Variants in KCNH5 observed in about 807,000 individuals in gnomAD.
KCNH5 encodes the protein voltage-gated delayed rectifier potassium channel KCNH5.
KCNH5 carries 46 observed loss-of-function variants against 96.1 expected under a neutral mutation model. The observed-to-expected ratio is 0.48, with a 90% CI of 0.38 to 0.61. KCNH5 has a LOEUF of 0.61. Among genes scored for constraint, KCNH5 ranks in the 20% least tolerant of loss-of-function variants. The pLI is 0.00. For synonymous variants in KCNH5, 439 were observed against 449.8 expected (o/e 0.98, Z 0.30); for missense variants, 907 against 1,225.8 (o/e 0.74, Z 3.88).
At chr14:62,904,412 G>A (rs1387360098) in intron 7 of KCNH5, among the ~76,000 whole-genome samples, 1 of 152,176 alleles carries the variant, frequency 6.6e-6, no homozygotes, top group Non-Finnish European at 1.5e-5. Flanking sequence ...TAGAGTGGGT[G>A]TTACATTTGA....
intron 10 of KCNH5, among the ~76,000 whole-genome samples, chr14:62,744,852 T>C (rs551161290): frequency 2.0e-5 from 3 of 152,316 alleles, no homozygotes; most frequent in Admixed American, 1.3e-4. Context: ...CACATGCCTC[T>C]TTCTAAGGGT....
At chr14:62,922,714 A>G (rs552904939) in intron 7 of KCNH5, among the ~76,000 whole-genome samples, 2 of 152,128 alleles carry the variant, frequency 1.3e-5, no homozygotes, top group South Asian at 4.1e-4. Flanking sequence ...TTTCATGACC[A>G]TCTCAGTAGA....
chr14:62,864,275 T>C (rs1242728401), intron 7 of KCNH5, among the ~76,000 whole-genome samples: 1 of 152,214 alleles, frequency 6.6e-6, no homozygotes, highest in African/African-American at 2.4e-5. Flanking sequence ...CTTATATTTT[T>C]CAGAAAAGTA....
At chr14:62,968,404 G>C (rs986962651) in intron 6 of KCNH5, among the ~76,000 whole-genome samples, 3 of 152,158 alleles carry the variant, frequency 2.0e-5, no homozygotes, top group African/African-American at 7.2e-5. Flanking sequence ...ACAATACTTT[G>C]CACTCCCAGT....
At chr14:62,918,395 C>A (rs543935417) in intron 7 of KCNH5, among the ~76,000 whole-genome samples, 2 of 151,846 alleles carry the variant, frequency 1.3e-5, no homozygotes, top group African/African-American at 4.8e-5. Flanking sequence ...TTCTACGTGG[C>A]AAATAATAAA....
chr14:63,017,842 T>C (rs1891354644), intron 1 of KCNH5, among the ~76,000 whole-genome samples: 1 of 151,928 alleles, frequency 6.6e-6, no homozygotes, highest in Non-Finnish European at 1.5e-5. Flanking sequence ...GGTAGTATAC[T>C]AAAAATATAA....
At chr14:63,003,438 CAT>C (rs1436561836) in intron 3 of KCNH5, among the ~76,000 whole-genome samples, 1 of 103,812 alleles carries the variant, frequency 9.6e-6, no homozygotes, top group African/African-American at 3.2e-5. Flanking sequence ...CAGAAAGAGC[CAT>C]ATATATATAT....
intron 6 of KCNH5, among the ~76,000 whole-genome samples, chr14:62,952,178 T>G (rs1209016369): frequency 6.6e-6 from 1 of 152,176 alleles, no homozygotes; most frequent in Admixed American, 6.5e-5. Flanking sequence ...TAGGCCTACC[T>G]CTATTTAAGT....
intron 10 of KCNH5, among the ~76,000 whole-genome samples, chr14:62,742,516 C>G (rs964537794): frequency 6.6e-6 from 1 of 152,176 alleles, no homozygotes; most frequent in African/African-American, 2.4e-5. Context: ...TCTATATACC[C>G]TGTCCCAAAC....
At chr14:63,043,034 G>A (rs149596350) in intron 1 of KCNH5, among the ~76,000 whole-genome samples, 16 of 152,202 alleles carry the variant, frequency 1.1e-4, no homozygotes, top group East Asian at 3.9e-4. Flanking sequence ...CCAATGAAAC[G>A]ATTATGAACA....
At chr14:62,939,587 C>T (rs17100549) in intron 7 of KCNH5, among the ~76,000 whole-genome samples, 7 of 152,146 alleles carry the variant, frequency 4.6e-5, no homozygotes, top group African/African-American at 9.7e-5. Context: ...CTTTTGAACT[C>T]GTCCTTCTAA....
intron 10 of KCNH5, among the ~76,000 whole-genome samples, chr14:62,708,861 T>C (rs1273314374): frequency 1.3e-5 from 2 of 152,212 alleles, no homozygotes; most frequent in African/African-American, 2.4e-5. Context: ...AGGAAATACA[T>C]ATTTATCCCT....
chr14:62,833,909 A>C (rs1347177336), intron 8 of KCNH5, among the ~76,000 whole-genome samples: 1 of 152,114 alleles, frequency 6.6e-6, no homozygotes, highest in South Asian at 2.1e-4. Flanking sequence ...CCTTTGACCA[A>C]GTCCCACTGT....
chr14:63,019,467 T>C (rs1304710244), intron 1 of KCNH5, among the ~76,000 whole-genome samples: 4 of 152,072 alleles, frequency 2.6e-5, no homozygotes, highest in Non-Finnish European at 5.9e-5. Flanking sequence ...GTAATTAAGA[T>C]GGTGTGGAAA....
chr14:62,781,520 C>T (rs1034648436), intron 9 of KCNH5, among the ~76,000 whole-genome samples: 14 of 152,094 alleles, frequency 9.2e-5, no homozygotes, highest in African/African-American at 2.9e-4. Flanking sequence ...CAGTCTCGAC[C>T]GTAAGAGACG....
At chr14:62,741,124 C>G (rs1336638297) in intron 10 of KCNH5, among the ~76,000 whole-genome samples, 2 of 152,118 alleles carry the variant, frequency 1.3e-5, no homozygotes, top group Admixed American at 1.3e-4. Context: ...AAAGAAGACT[C>G]ATAATGGAGT....
At chr14:63,032,892 C>A (rs1891654651) in intron 1 of KCNH5, among the ~76,000 whole-genome samples, 1 of 152,158 alleles carries the variant, frequency 6.6e-6, no homozygotes, top group Admixed American at 6.5e-5. Flanking sequence ...GCGTGGCCTT[C>A]TTCCAGTTTT....
chr14:62,855,107 A>G (rs1366959109), intron 7 of KCNH5, among the ~76,000 whole-genome samples: 1 of 151,912 alleles, frequency 6.6e-6, no homozygotes, highest in South Asian at 2.1e-4. Context: ...TGCTGTGAGG[A>G]AGCCCGAGCA....
intron 1 of KCNH5, among the ~76,000 whole-genome samples, chr14:63,044,285 TA>T (rs1891880606): frequency 1.3e-5 from 2 of 152,222 alleles, no homozygotes; most frequent in Non-Finnish European, 2.9e-5. Flanking sequence ...TGTGGAAATA[TA>T]TAACCATTCC....
Sources: allele counts gnomAD v4.1 joint callset (sites outside exome capture counted in the v4.1 genomes callset), GRCh38; gene constraint gnomAD v4.1.1; transcripts MANE v1.5; gene names NCBI Gene and HGNC (gene_info 2026-07-23, HGNC 2026-07-21).